The following RECK variants were observed in gnomAD, a reference collection of about 807,000 sequenced individuals.
RECK encodes reversion-inducing cysteine-rich protein with Kazal motifs.
RECK carries 69 observed loss-of-function variants against 115.1 expected under a neutral mutation model. The ratio of observed to expected loss-of-function variants is 0.60; its 90% confidence interval spans 0.49 to 0.73. RECK has a LOEUF of 0.73. Ranked by LOEUF, RECK falls within the 30% of genes least tolerant of loss-of-function variation. The pLI is 0.00. For missense variants in RECK, 1,047 were observed against 1,203.7 expected, an observed-to-expected ratio of 0.87 and a Z score of 1.93; for synonymous variants, 414 against 419.7, an observed-to-expected ratio of 0.99 and a Z score of 0.17.
Position 36,102,069 on chromosome 9 carries a change from A to G in RECK, c.1299-25A>G, listed in dbSNP as rs771978186. The G allele has an allele frequency of 3.1e-6, 5 of 1,607,092 alleles. No homozygotes were observed. The South Asian group carries it at 5.6e-5, about 18-fold the overall frequency. On this transcript the variant is annotated intron_variant, in intron 11 of 20. Coordinates refer to ENST00000377966, the MANE Select transcript of RECK (RefSeq NM_021111.3). ...ACATGAGGAGGTTCCTCAAGCTCTA[A>G]ACTTACGTGCATTTTTTTTTCAAGA... is the stretch of plus-strand genomic sequence containing the variant.
rs10607815 is a variant in RECK at position 36,115,315 on chromosome 9, A to AAATAATAAT, written c.2061-1651_2061-1643dup. 6.3e-3 allele frequency among the ~76,000 whole-genome samples: 942 copies of AAATAATAAT among 149,354 alleles called. 10 individuals carry two copies. Among genetic ancestry groups the AAATAATAAT allele is most frequent in the African/African-American group, 0.022 (890 of 40,796 alleles). ...GGGTGACAGAGCAAGACTCTGTCTC[A>AAATAATAAT]AATAATAATAATAATAATAATAATA... On this transcript the variant is annotated intron_variant, in intron 16 of 20. Transcript: ENST00000377966.
intron 6 of RECK, 22 bp downstream of exon 6, chr9:36,065,646 T>C (rs772645840): frequency 6.5e-7 from 1 of 1,541,366 alleles, no homozygotes; most frequent in Non-Finnish European, 8.8e-7. Flanking sequence ...ATTTAACAAA[T>C]GTGGATAGCC....
chr9:36,036,963 G>T lies in RECK; in HGVS notation c.-36G>T. The T allele has an allele frequency of 1.5e-6, 2 of 1,361,144 alleles. No individual in the cohort carries two copies. The highest frequency in any genetic ancestry group is 9.6e-7 in the Non-Finnish European group (1 of 1,045,968). 84.3% of individuals were successfully genotyped at this position (1,361,144 alleles called of 1,614,324 possible). ...CAGCGGCTGCGGCCAAGCTGGGTCC[G>T]AGCATCCCGCGGCTCTGGAGCCGCC... On this transcript the variant is annotated 5_prime_UTR_variant, in exon 1 of 21. Transcript: ENST00000377966.
At chr9:36,120,191 C>T (rs1278163534) in intron 18 of RECK, among the ~76,000 whole-genome samples, 2 of 151,646 alleles carry the variant, frequency 1.3e-5, no homozygotes, top group East Asian at 1.9e-4. Flanking sequence ...GCCGAGATCG[C>T]GCCACTGCAC....
chr9:36,087,934 G>A lies in RECK; in HGVS notation c.878G>A (p.Cys293Tyr). 6.2e-7 allele frequency: 1 copy of A among 1,613,278 alleles called. No homozygotes were observed. The highest frequency in any genetic ancestry group is 8.5e-7 in the Non-Finnish European group (1 of 1,179,420). The change falls in exon 9 of 21, where the codon TGT becomes TAT. Residue 293 changes from cysteine (C) to tyrosine (Y), a missense_variant. Physicochemically the swap from Cys to Tyr is radical, Grantham distance 194. Transcript: ENST00000377966. Reference protein sequence around the residue: ...TGLDGAKLHCCSKANTSTCRE... With the variant: ...TGLDGAKLHCYSKANTSTCRE... ...CTCGATGGGGCTAAATTGCATTGTT[G>A]TTCTAAAGCAAACACTTCAACATGT...
At chr9:36,051,430 C>T (rs1821297841) in intron 1 of RECK, among the ~76,000 whole-genome samples, 1 of 152,226 alleles carries the variant, frequency 6.6e-6, no homozygotes, top group Admixed American at 6.5e-5. Flanking sequence ...TGTACTTACT[C>T]ACCTGTGGTT....
At chr9:36,085,086 CAA>C in intron 8 of RECK, 1 of 156,690 alleles carries the variant, frequency 6.4e-6, no homozygotes, top group South Asian at 1.4e-4. Context: ...ATGTATTAAG[CAA>C]AAAAAAAGTA....
chr9:36,105,349 T>C, intron 13 of RECK, 66 bp downstream of exon 13: 1 of 1,543,310 alleles, frequency 6.5e-7, no homozygotes, highest in East Asian at 2.3e-5. Context: ...ATAGGAGCTA[T>C]CTTTCTTTTT....
chr9:36,106,023 C>G (rs915417140), intron 13 of RECK, among the ~76,000 whole-genome samples: 1 of 151,952 alleles, frequency 6.6e-6, no homozygotes, highest in Non-Finnish European at 1.5e-5. Context: ...ACCATCCTGG[C>G]TAACATGGTG....
intron 15 of RECK, among the ~76,000 whole-genome samples, chr9:36,110,849 C>G (rs1187934513): frequency 1.3e-5 from 2 of 151,958 alleles, no homozygotes; most frequent in African/African-American, 4.8e-5. Context: ...TAAGGATTTA[C>G]CAACCTTGTA....
chr9:36,047,280 AT>A (rs1821100289), intron 1 of RECK, among the ~76,000 whole-genome samples: 1 of 152,114 alleles, frequency 6.6e-6, no homozygotes, highest in African/African-American at 2.4e-5. Context: ...TAGGAGATGG[AT>A]GTAGTTTCGT....
chr9:36,073,232 A>ACACACC (rs1822309395), intron 6 of RECK, among the ~76,000 whole-genome samples: 1 of 96,486 alleles, frequency 1.0e-5, no homozygotes, highest in Non-Finnish European at 2.0e-5. Context: ...ACACACACAG[A>ACACACC]CACACACAGA....
chr9:36,112,270 A>G (rs1184896661), intron 15 of RECK, 35 bp from the exon 16 acceptor site: 1 of 1,606,074 alleles, frequency 6.2e-7, no homozygotes, highest in South Asian at 1.1e-5. Context: ...GGGAATATAC[A>G]CATACATATT....
In RECK at chr9:36,037,080, C is replaced by A; in HGVS notation, c.82C>A (p.Leu28Met). 1 of 1,376,650 alleles carries A rather than the reference C, an allele frequency of 7.3e-7. No homozygotes were observed. Among genetic ancestry groups the A allele is most frequent in the Non-Finnish European group, 9.4e-7 (1 of 1,060,234 alleles). 85.3% of individuals were successfully genotyped at this position (1,376,650 alleles called of 1,614,324 possible). A position where few individuals can be genotyped will look rare whatever the true frequency, so the allele number is the denominator to read the frequency against. Residue 28 changes from leucine to methionine, a missense_variant, in exon 1 of 21, where the codon CTG becomes ATG. Coordinates refer to ENST00000377966, the MANE Select transcript of RECK (RefSeq NM_021111.3). Reference protein sequence around the residue: ...VAGVAEVAGGLAPGSAGALCC... With the variant: ...VAGVAEVAGGMAPGSAGALCC... The stretch of plus-strand genomic sequence containing the variant: ...GGGGGTCGCGGAGGTGGCAGGGGGC[C>A]TGGCTCCGGGCAGTGCGGGTGAGTA...
intron 10 of RECK, among the ~76,000 whole-genome samples, chr9:36,092,776 A>C (rs972540342): frequency 1.3e-5 from 2 of 151,814 alleles, no homozygotes; most frequent in African/African-American, 4.8e-5. Context: ...GTTTCTTTTC[A>C]TGGGGAGTAG....
At chr9:36,046,488 A>C (rs1821076638) in intron 1 of RECK, among the ~76,000 whole-genome samples, 1 of 152,260 alleles carries the variant, frequency 6.6e-6, no homozygotes, top group Non-Finnish European at 1.5e-5. Context: ...TGCAGATACA[A>C]TAATGGCTAA....
At chr9:36,079,731 T>C (rs1378351640) in intron 6 of RECK, among the ~76,000 whole-genome samples, 1 of 152,226 alleles carries the variant, frequency 6.6e-6, no homozygotes, top group Non-Finnish European at 1.5e-5. Context: ...CTGTAATTTA[T>C]GCCCATATTA....
intron 16 of RECK, among the ~76,000 whole-genome samples, chr9:36,115,344 G>A (rs748023623): frequency 1.5e-4 from 22 of 150,052 alleles, no homozygotes; most frequent in Non-Finnish European, 3.1e-4. Context: ...AATAATAATT[G>A]TTAAGAATTG....
chr9:36,073,155 A>T (rs965500016), intron 6 of RECK, among the ~76,000 whole-genome samples: 1 of 151,054 alleles, frequency 6.6e-6, no homozygotes, highest in African/African-American at 2.4e-5. Context: ...AACCAAATTG[A>T]TTATTACTTT....
Sources: gnomAD v4.1 joint callset for allele counts (sites outside exome capture counted in the v4.1 genomes callset) on GRCh38, gnomAD v4.1.1 for gene constraint, MANE v1.5 for transcripts, NCBI Gene and HGNC (gene_info 2026-07-23, HGNC 2026-07-21) for gene names.